The following PEBP4 variants were observed in gnomAD, a reference collection of about 807,000 sequenced individuals.
PEBP4 encodes phosphatidylethanolamine binding protein 4.
Under a neutral mutation model 23.9 loss-of-function variants are expected in PEBP4, and 22 were observed. The observed-to-expected ratio is 0.92, with a 90% CI of 0.66 to 1.31. The LOEUF is 1.31. Among genes scored for constraint, PEBP4 ranks in the 40% most tolerant of loss-of-function variants. The pLI is 0.00. For synonymous variants in PEBP4, 112 were observed against 99.3 expected, an observed-to-expected ratio of 1.13 and a Z score of -0.76; for missense variants, 324 against 281.7, an observed-to-expected ratio of 1.15 and a Z score of -1.07.
intron 4 of PEBP4, among the ~76,000 whole-genome samples, chr8:22,816,039 G>T (rs1183378713): frequency 6.6e-6 from 1 of 152,218 alleles, no homozygotes; most frequent in Non-Finnish European, 1.5e-5. Context: ...TCTCTCTTGA[G>T]TGTTTCACCC....
intron 6 of PEBP4, 130 bp from the exon 7 acceptor site, chr8:22,713,666 G>A: frequency 1.5e-6 from 2 of 1,293,770 alleles, no homozygotes; most frequent in South Asian, 1.4e-5. Flanking sequence ...ATGGGGCGTA[G>A]TGGCTGGGGG....
chr8:22,873,450 A>C (rs1159288035), intron 3 of PEBP4, among the ~76,000 whole-genome samples: 1 of 150,820 alleles, frequency 6.6e-6, no homozygotes, highest in African/African-American at 2.4e-5. Context: ...ATACTGAGAT[A>C]CTATCTGTGT....
At chr8:22,855,000 GCACACACACACACACA>G (rs200500141) in intron 3 of PEBP4, among the ~76,000 whole-genome samples, 3 of 73,792 alleles carry the variant, frequency 4.1e-5, no homozygotes, top group South Asian at 1.1e-3. Flanking sequence ...GAGTATGCAC[GCACACACACACACACA>G]CACACACACA....
chr8:22,804,401 C>T (rs989949072), intron 4 of PEBP4, among the ~76,000 whole-genome samples: 2 of 152,192 alleles, frequency 1.3e-5, no homozygotes, highest in Non-Finnish European at 2.9e-5. Context: ...GTGTGCCAGA[C>T]TCCTTGCCCA....
chr8:22,759,366 T>TC (rs930638763), intron 4 of PEBP4, among the ~76,000 whole-genome samples: 4 of 151,824 alleles, frequency 2.6e-5, no homozygotes, highest in Admixed American at 6.5e-5. Context: ...TTTTTTTTTT[T>TC]CCTCAACAAA....
At position 22,865,821 on chromosome 8, in the gene PEBP4, C is replaced by G. The variant is rs989490672; in HGVS notation, c.259-48086G>C. 6.6e-6 allele frequency among the ~76,000 whole-genome samples: 1 copy of G among 152,154 alleles called. No individual in the cohort carries two copies. The highest frequency in any genetic ancestry group is 1.5e-5 in the Non-Finnish European group (1 of 68,022). On this transcript the variant is annotated intron_variant, in intron 3 of 6. Transcript: ENST00000256404. This position sits in a 1 kb window ranked among gnomAD's most constrained non-coding sequence, Gnocchi z 6.9. ...GCGAGCGGCGGCGCCTAGAGGGACC[C>G]CCACCCCGGGCTCGAACTCCCGACA...
chr8:22,794,650 G>A (rs1057406082), intron 4 of PEBP4, among the ~76,000 whole-genome samples: 2 of 152,076 alleles, frequency 1.3e-5, no homozygotes, highest in African/African-American at 4.8e-5. Context: ...AATCCTCACC[G>A]TATATTGCAC....
At chr8:22,895,568 G>T (rs769263308) in intron 3 of PEBP4, 1 of 152,038 alleles carries the variant, frequency 6.6e-6, no homozygotes, top group Non-Finnish European at 1.5e-5. Context: ...TGGACTTGTG[G>T]TATGTTGCCT....
chr8:22,810,705 TGTGTGTGTGAGA>T (rs1435291656), intron 4 of PEBP4, among the ~76,000 whole-genome samples: 23 of 126,566 alleles, frequency 1.8e-4, no homozygotes, highest in East Asian at 7.9e-4. Context: ...TGTGTGTGTG[TGTGTGTGTGAGA>T]GAGAGAGAGA....
intron 4 of PEBP4, among the ~76,000 whole-genome samples, chr8:22,742,759 A>ACGAGAGAGTCCCCTTTTT (rs2128750697): frequency 6.6e-6 from 1 of 152,302 alleles, no homozygotes; most frequent in Non-Finnish European, 1.5e-5. Flanking sequence ...AGTTGAGGCT[A>ACGAGAGAGTCCCCTTTTT]CGAGAGAGTC....
At chr8:22,811,297 C>T (rs912042215) in intron 4 of PEBP4, among the ~76,000 whole-genome samples, 7 of 152,178 alleles carry the variant, frequency 4.6e-5, no homozygotes, top group East Asian at 1.9e-4. Flanking sequence ...CAGGACACAG[C>T]GACCTCAGCA....
At position 22,865,492 on chromosome 8, in the gene PEBP4, C is replaced by CCG. The variant is rs1377305912; in HGVS notation, c.259-47759_259-47758dup. On this transcript the variant is annotated intron_variant, in intron 3 of 6. Transcript: ENST00000256404. This position sits in a 1 kb window ranked among gnomAD's most constrained non-coding sequence, Gnocchi z 6.9. ...GTGGAGCGCGCCACCGCCCCCCCGG[C>CCG]CGCGCAGCGAGAAGGAGCCTCGGGG... Among the ~76,000 whole-genome samples the CCG allele has an allele frequency of 6.6e-6, 1 of 152,086 alleles. No individual in the cohort carries two copies. The highest frequency in any genetic ancestry group is 2.4e-5 in the African/African-American group (1 of 41,434).
chr8:22,795,788 T>C (rs1216975179), intron 4 of PEBP4, among the ~76,000 whole-genome samples: 1 of 152,226 alleles, frequency 6.6e-6, no homozygotes, highest in Non-Finnish European at 1.5e-5. Context: ...ATGCTTCACA[T>C]TTATTGGGTA....
At chr8:22,892,547 GGT>G (rs1808515594) in intron 3 of PEBP4, among the ~76,000 whole-genome samples, 1 of 152,124 alleles carries the variant, frequency 6.6e-6, no homozygotes, top group African/African-American at 2.4e-5. Context: ...GCTAGAGTAT[GGT>G]TTCCATTTTC....
At chr8:22,726,855 G>T (rs1804630834) in intron 5 of PEBP4, among the ~76,000 whole-genome samples, 1 of 152,146 alleles carries the variant, frequency 6.6e-6, no homozygotes, top group Non-Finnish European at 1.5e-5. Context: ...ATCTGAGAGA[G>T]GGGAGCTGGG....
chr8:22,723,308 C>A (rs543972984), intron 6 of PEBP4, among the ~76,000 whole-genome samples: 6 of 152,090 alleles, frequency 3.9e-5, no homozygotes, highest in Non-Finnish European at 8.8e-5. Flanking sequence ...AGGCTGTGGT[C>A]GAGCCTCAGG....
upstream of PEBP4, among the ~76,000 whole-genome samples, chr8:22,930,119 G>A (rs529087815): frequency 3.5e-4 from 54 of 152,240 alleles, no homozygotes; most frequent in African/African-American, 1.3e-3. Flanking sequence ...AGTCCTTCAC[G>A]TGGACCACAA....
intron 4 of PEBP4, among the ~76,000 whole-genome samples, chr8:22,758,838 T>C (rs908512752): frequency 5.9e-5 from 9 of 152,094 alleles, no homozygotes; most frequent in Admixed American, 1.3e-4. Context: ...TTGGGATATT[T>C]TATCAGGGAG....
At chr8:22,731,811 A>G (rs1353394323) in intron 4 of PEBP4, among the ~76,000 whole-genome samples, 4 of 148,754 alleles carry the variant, frequency 2.7e-5, no homozygotes, top group Non-Finnish European at 4.4e-5. Flanking sequence ...GGTGCCTGCC[A>G]TGGCGCCCGG....
Sources: allele counts gnomAD v4.1 joint callset (sites outside exome capture counted in the v4.1 genomes callset), GRCh38; gene constraint gnomAD v4.1.1; non-coding constraint Gnocchi (gnomAD v3.1); transcripts MANE v1.5; gene names NCBI Gene and HGNC (gene_info 2026-07-23, HGNC 2026-07-21).